The following NXPH1 variants were observed in gnomAD, a reference collection of about 807,000 sequenced individuals.
NXPH1 encodes neurexophilin-1.
Under a neutral mutation model 23.7 loss-of-function variants are expected in NXPH1, and 5 were observed. That is an observed-to-expected ratio of 0.21 (90% CI 0.11 to 0.44). NXPH1 has a LOEUF of 0.44. Ranked by LOEUF, NXPH1 falls within the 20% of genes least tolerant of loss-of-function variation. NXPH1 has a pLI of 0.99. For missense variants in NXPH1, 324 were observed against 321.6 expected (o/e 1.01, Z -0.06); for synonymous variants, 144 against 122.2 (o/e 1.18, Z -1.18).
chr7:8,608,408 A>C (rs1819547459), intron 2 of NXPH1, among the ~76,000 whole-genome samples: 1 of 151,668 alleles, frequency 6.6e-6, no homozygotes, highest in African/African-American at 2.4e-5. Context: ...ACTCACTGCA[A>C]CTTCAGCCTC....
intron 2 of NXPH1, among the ~76,000 whole-genome samples, chr7:8,526,311 A>G (rs1817860726): frequency 6.6e-6 from 1 of 152,174 alleles, no homozygotes; most frequent in Non-Finnish European, 1.5e-5. Flanking sequence ...TTGTACTTCT[A>G]TTGTATCTAG....
intron 2 of NXPH1, among the ~76,000 whole-genome samples, chr7:8,741,281 A>G (rs766120314): frequency 1.3e-5 from 2 of 152,118 alleles, no homozygotes; most frequent in Non-Finnish European, 2.9e-5. Flanking sequence ...TATATAGCTC[A>G]TATCTTCTTT....
intron 2 of NXPH1, among the ~76,000 whole-genome samples, chr7:8,691,590 GA>G (rs1237224831): frequency 1.3e-5 from 2 of 152,134 alleles, no homozygotes; most frequent in Non-Finnish European, 2.9e-5. Flanking sequence ...TTTTTAAATT[GA>G]AAAGTAGAAA....
At position 8,434,294 on chromosome 7, in the gene NXPH1, C is replaced by G. The variant is rs564548694; in HGVS notation, c.-572C>G. 1 of 153,138 alleles carries G rather than the reference C, an allele frequency of 6.5e-6. No individual in the cohort carries two copies. Among genetic ancestry groups the G allele is most frequent in the Non-Finnish European group, 1.5e-5 (1 of 68,452 alleles). 9.5% of individuals were successfully genotyped at this position (153,138 alleles called of 1,614,324 possible). ...TTCAAGTCCAGAGGACTTGCTCAGT[C>G]TCCTCCCCTTAAGTCATTTCCACCA... On this transcript the variant is annotated 5_prime_UTR_variant, in exon 1 of 3. Transcript: ENST00000405863. The surrounding 1 kb of genome is among the most constrained non-coding windows in gnomAD (Gnocchi z 7.6).
intron 2 of NXPH1, among the ~76,000 whole-genome samples, chr7:8,615,946 A>C (rs1819725747): frequency 6.6e-6 from 1 of 152,102 alleles, no homozygotes; most frequent in Non-Finnish European, 1.5e-5. Context: ...AGACTTCTAC[A>C]TAGTCTCCCT....
intron 2 of NXPH1, among the ~76,000 whole-genome samples, chr7:8,539,536 A>G (rs1372860997): frequency 6.6e-6 from 1 of 151,876 alleles, no homozygotes; most frequent in Admixed American, 6.6e-5. Flanking sequence ...TTCCTTTTAA[A>G]ATGCTTATCA....
chr7:8,716,627 C>T (rs538940741), intron 2 of NXPH1, among the ~76,000 whole-genome samples: 51 of 152,176 alleles, frequency 3.4e-4, no homozygotes, highest in African/African-American at 1.1e-3. Flanking sequence ...TTTTCATTGC[C>T]TTTCAACCAT....
intron 2 of NXPH1, among the ~76,000 whole-genome samples, chr7:8,638,086 A>T (rs1820248489): frequency 6.6e-6 from 1 of 151,968 alleles, no homozygotes; most frequent in South Asian, 2.1e-4. Context: ...AACAGAAAAA[A>T]CTCCAGCTTG....
intron 2 of NXPH1, among the ~76,000 whole-genome samples, chr7:8,550,498 A>G (rs1375600262): frequency 1.3e-5 from 2 of 151,612 alleles, no homozygotes; most frequent in African/African-American, 4.8e-5. Flanking sequence ...GGGCAATCCT[A>G]TAAAGTCTTC....
intron 2 of NXPH1, among the ~76,000 whole-genome samples, chr7:8,505,746 T>C (rs1472623433): frequency 1.3e-5 from 2 of 152,110 alleles, no homozygotes; most frequent in African/African-American, 2.4e-5. Context: ...GTTAAATAAC[T>C]ATGTTAGGCA....
At chr7:8,654,206 T>G (rs1277146601) in intron 2 of NXPH1, among the ~76,000 whole-genome samples, 5 of 152,058 alleles carry the variant, frequency 3.3e-5, no homozygotes, top group African/African-American at 7.2e-5. Flanking sequence ...TTTTTTTTTT[T>G]GTAAAATCAA....
intron 2 of NXPH1, among the ~76,000 whole-genome samples, chr7:8,655,400 TTCTCTCTCTCTC>T (rs869162322): frequency 3.7e-3 from 157 of 42,888 alleles, no homozygotes; most frequent in African/African-American, 9.7e-3. Flanking sequence ...GTCTTTGTCT[TTCTCTCTCTCTC>T]TCTCTCTCTC....
intron 2 of NXPH1, among the ~76,000 whole-genome samples, chr7:8,578,716 G>A (rs568482370): frequency 6.6e-6 from 1 of 152,246 alleles, no homozygotes; most frequent in South Asian, 2.1e-4. Flanking sequence ...CACTTAAATG[G>A]TTACCAGAGC....
intron 2 of NXPH1, among the ~76,000 whole-genome samples, chr7:8,494,171 T>G (rs541282081): frequency 2.7e-5 from 4 of 147,744 alleles, no homozygotes; most frequent in Non-Finnish European, 6.0e-5. Flanking sequence ...CAAATTAGAT[T>G]TCTTGATTTT....
intron 2 of NXPH1, among the ~76,000 whole-genome samples, chr7:8,537,607 T>C (rs1818048343): frequency 6.6e-6 from 1 of 151,934 alleles, no homozygotes; most frequent in Non-Finnish European, 1.5e-5. Flanking sequence ...ATGGGGATTA[T>C]GGGAACTACA....
intron 2 of NXPH1, among the ~76,000 whole-genome samples, chr7:8,607,414 T>C (rs1233771210): frequency 6.6e-6 from 1 of 152,152 alleles, no homozygotes; most frequent in Non-Finnish European, 1.5e-5. Flanking sequence ...AATAAAAAAG[T>C]CAATAAATTC....
At chr7:8,511,524 C>A (rs927614343) in intron 2 of NXPH1, among the ~76,000 whole-genome samples, 1 of 152,080 alleles carries the variant, frequency 6.6e-6, no homozygotes, top group Non-Finnish European at 1.5e-5. Flanking sequence ...CAACTAGAGA[C>A]CTTGACATAT....
At chr7:8,561,144 A>G (rs967962055) in intron 2 of NXPH1, among the ~76,000 whole-genome samples, 1 of 151,624 alleles carries the variant, frequency 6.6e-6, no homozygotes, top group African/African-American at 2.4e-5. Flanking sequence ...ACAGGGACTC[A>G]GCTGGGCTCT....
At chr7:8,647,412 T>C (rs951434504) in intron 2 of NXPH1, among the ~76,000 whole-genome samples, 5 of 152,242 alleles carry the variant, frequency 3.3e-5, no homozygotes, top group African/African-American at 1.2e-4. Flanking sequence ...TGTCCATCCA[T>C]GGTCACACGA....
Sources: allele counts gnomAD v4.1 joint callset (sites outside exome capture counted in the v4.1 genomes callset), GRCh38; gene constraint gnomAD v4.1.1; non-coding constraint Gnocchi (gnomAD v3.1); transcripts MANE v1.5; gene names NCBI Gene and HGNC (gene_info 2026-07-23, HGNC 2026-07-21).